The following YES1 variants were observed in gnomAD, a reference collection of about 807,000 sequenced individuals.
The protein encoded by YES1 is tyrosine-protein kinase Yes.
Under a neutral mutation model 70.4 loss-of-function variants are expected in YES1, and 39 were observed. The observed-to-expected ratio is 0.55, with a 90% CI of 0.43 to 0.72. The LOEUF (loss-of-function observed/expected upper bound fraction) is 0.72, where lower values mean the gene tolerates loss of function less well. YES1 is among the 30% of genes least tolerant of loss of function. The probability of loss-of-function intolerance (pLI) is 0.00; values close to 1 mark genes in which losing one functional copy is unlikely to be tolerated. For synonymous variants in YES1, 198 were observed against 218.6 expected, an observed-to-expected ratio of 0.91 and a Z score of 0.83; for missense variants, 495 against 644.8, an observed-to-expected ratio of 0.77 and a Z score of 2.52.
rs933918760 is a variant in YES1 at position 745,792 on chromosome 18, T to C, written c.640A>G (p.Ile214Val). 3 of 1,613,176 alleles carry C rather than the reference T, an allele frequency of 1.9e-6. No individual in the cohort carries two copies. The Admixed American group carries it at 5.0e-5, about 27-fold the overall frequency. ...IRGDNVKHYK[I>V]RKLDNGGYYI... The stretch of plus-strand genomic sequence containing the variant: ...TATCCACCATTGTCAAGTTTCCTAA[T>C]TTTGTAGTGTTTCACATTGTCACCC... The change falls in exon 6 of 12, where the codon ATT (isoleucine) becomes GTT (valine). Residue 214 changes from isoleucine to valine, a missense_variant. Around this residue, in one of 2 missense-constraint regions of YES1, gnomAD observed 385 missense variants for 540.9 expected, o/e 0.71. Transcript: ENST00000314574.
At chr18:755,700 G>A (rs181867212) in intron 2 of YES1, among the ~76,000 whole-genome samples, 7 of 152,098 alleles carry the variant, frequency 4.6e-5, no homozygotes, top group Non-Finnish European at 5.9e-5. Context: ...GTTTTGCCAA[G>A]CCTAAGGATA....
intron 1 of YES1, among the ~76,000 whole-genome samples, chr18:788,902 G>C (rs1906100352): frequency 6.6e-6 from 1 of 152,138 alleles, no homozygotes; most frequent in Non-Finnish European, 1.5e-5. Context: ...CTCCAGCCTG[G>C]ATGACAGAGT....
chr18:788,893 T>A (rs1906100038), intron 1 of YES1, among the ~76,000 whole-genome samples: 2 of 152,166 alleles, frequency 1.3e-5, no homozygotes, highest in African/African-American at 4.8e-5. Context: ...TCCACTGCAC[T>A]CCAGCCTGGA....
In YES1 at chr18:779,800, C is replaced by T. The variant is rs567480739; in HGVS notation, c.-8-22965G>A. 1.3e-4 allele frequency among the ~76,000 whole-genome samples: 20 copies of T among 152,312 alleles called. 1 individual carries two copies. Among genetic ancestry groups the T allele is most frequent in the South Asian group, 1.0e-3 (5 of 4,826 alleles). On this transcript the variant is annotated intron_variant, in intron 1 of 11. Coordinates refer to ENST00000314574, the MANE Select transcript of YES1 (RefSeq NM_005433.4). ...TAAACAATTAGATACCACTTTCAAG[C>T]CCTTATGTCAATTAAATGCTCCTCA... is the stretch of plus-strand genomic sequence containing the variant.
intron 1 of YES1, among the ~76,000 whole-genome samples, chr18:779,879 C>G (rs1281480555): frequency 6.6e-6 from 1 of 151,828 alleles, no homozygotes; most frequent in Non-Finnish European, 1.5e-5. Flanking sequence ...AAACATCATC[C>G]ACTTGTTTCT....
intron 8 of YES1, among the ~76,000 whole-genome samples, chr18:740,449 A>AT (rs1338092210): frequency 6.6e-6 from 1 of 152,226 alleles, no homozygotes; most frequent in African/African-American, 2.4e-5. Context: ...ATGGCTCTAG[A>AT]TTAAAGGAGA....
rs35743931 is a variant in YES1 at position 776,198 on chromosome 18, C to CTT, written c.-8-19365_-8-19364dup. ...ATCATCAATACTTGGTATACTCGAT[C>CTT]TTTTTTTTTTTTTGAGATGGAGTCT... On this transcript the variant is annotated intron_variant, in intron 1 of 11. Coordinates refer to ENST00000314574, the MANE Select transcript of YES1 (RefSeq NM_005433.4). Among the ~76,000 whole-genome samples the CTT allele has an allele frequency of 2.3e-3, 340 of 146,416 alleles. 1 individual carries two copies. The highest frequency in any genetic ancestry group is 3.0e-3 in the African/African-American group (118 of 39,834).
At chr18:770,510 A>T (rs1033332720) in intron 1 of YES1, among the ~76,000 whole-genome samples, 4 of 152,078 alleles carry the variant, frequency 2.6e-5, no homozygotes, top group Admixed American at 2.6e-4. Flanking sequence ...GATAGCATTA[A>T]TTTTGACAAA....
intron 1 of YES1, among the ~76,000 whole-genome samples, chr18:811,075 T>C (rs963610198): frequency 6.6e-6 from 1 of 152,354 alleles, no homozygotes; most frequent in East Asian, 1.9e-4. Context: ...GGTTTAAATA[T>C]TTAAAATTAT....
intron 11 of YES1, among the ~76,000 whole-genome samples, chr18:725,261 T>C (rs911892465): frequency 4.6e-5 from 7 of 152,104 alleles, no homozygotes; most frequent in African/African-American, 1.7e-4. Flanking sequence ...TTCTTCCTGA[T>C]AGTGTCTCAC....
At chr18:784,647 C>G (rs1905845827) in intron 1 of YES1, among the ~76,000 whole-genome samples, 2 of 152,228 alleles carry the variant, frequency 1.3e-5, no homozygotes, top group Non-Finnish European at 2.9e-5. Flanking sequence ...CTTGTGGGGG[C>G]TGCCCACATT....
intron 6 of YES1, 59 bp from the exon 7 acceptor site, chr18:743,474 T>G: frequency 7.3e-7 from 1 of 1,362,522 alleles, no homozygotes; most frequent in Non-Finnish European, 9.9e-7. Context: ...GGGCATATAG[T>G]GTATCAATGT....
chr18:741,539 C>G (rs545780212), intron 8 of YES1, among the ~76,000 whole-genome samples: 1 of 152,230 alleles, frequency 6.6e-6, no homozygotes, highest in East Asian at 1.9e-4. Flanking sequence ...TGTGGTGGCT[C>G]ACACCTGTAA....
At chr18:759,934 C>T (rs1904498331) in intron 1 of YES1, among the ~76,000 whole-genome samples, 1 of 147,330 alleles carries the variant, frequency 6.8e-6, no homozygotes, top group Admixed American at 7.0e-5. Context: ...TGTTCAATTC[C>T]CACCTATGAG....
chr18:756,818 T>C lies in YES1; in HGVS notation c.10A>G (p.Ile4Val). The change falls in exon 2 of 12, where the codon ATT becomes GTT. Residue 4 changes from isoleucine (I) to valine (V), a missense_variant. This residue lies in a region of YES1 where 110 missense variants were observed against 104.0 expected (regional missense o/e 1.06). Transcript: ENST00000314574. MGCIKSKENKSPAI... is the reference protein window; with the variant it reads MGCVKSKENKSPAI... The stretch of plus-strand genomic sequence containing the variant: ...GGACTTTTGTTTTCTTTACTTTTAA[T>C]GCAGCCCATTATCAAATCTACAGAG... The C allele has an allele frequency of 6.2e-7, 1 of 1,613,534 alleles. No individual in the cohort carries two copies. Among genetic ancestry groups the C allele is most frequent in the South Asian group, 1.1e-5 (1 of 91,080 alleles).
chr18:764,545 G>A (rs970536559), intron 1 of YES1, among the ~76,000 whole-genome samples: 11 of 151,936 alleles, frequency 7.2e-5, no homozygotes, highest in African/African-American at 2.4e-4. Context: ...TTAACCAAGT[G>A]GAGAGTAACA....
rs1272070473 is a variant in YES1, at chr18:811,163, G to A, written c.-9+951C>T. Among the ~76,000 whole-genome samples the A allele has an allele frequency of 3.3e-5, 5 of 152,142 alleles. No homozygotes were observed. The East Asian group carries it at 9.6e-4, about 29-fold the overall frequency. On this transcript the variant is annotated intron_variant, in intron 1 of 11. Transcript: ENST00000314574. ...AATCATATCATGTGAAATCGACTGT[G>A]AAAACACACACCCGTGGAACGTATA...
chr18:781,857 A>G (rs1046052994), intron 1 of YES1, among the ~76,000 whole-genome samples: 1 of 152,186 alleles, frequency 6.6e-6, no homozygotes, highest in Non-Finnish European at 1.5e-5. Flanking sequence ...CCCGAATGAC[A>G]GCAGTGTTTG....
At chr18:751,178 A>G in intron 3 of YES1, among the ~76,000 whole-genome samples, 1 of 152,220 alleles carries the variant, frequency 6.6e-6, no homozygotes, top group East Asian at 1.9e-4. Context: ...AGTGGTCATT[A>G]TGCTTGCTAA....
Sources: allele counts gnomAD v4.1 joint callset (sites outside exome capture counted in the v4.1 genomes callset), GRCh38; gene constraint gnomAD v4.1.1; regional missense constraint gnomAD v4.1.1; transcripts MANE v1.5; gene names NCBI Gene and HGNC (gene_info 2026-07-23, HGNC 2026-07-21).